The following TIA1 variants were observed in gnomAD, a reference collection of about 807,000 sequenced individuals.
The protein encoded by TIA1 is TIA1 cytotoxic granule associated RNA binding protein, also known as cytotoxic granule associated RNA binding protein TIA1.
In TIA1, 23 loss-of-function variants were observed where a neutral mutation model predicts 65.9. The observed-to-expected ratio is 0.35, with a 90% CI of 0.25 to 0.49. The LOEUF is 0.49. Among genes scored for constraint, TIA1 ranks in the 20% least tolerant of loss-of-function variants. The pLI is 0.98. For missense variants in TIA1, 371 were observed against 477.9 expected (o/e 0.78, Z 2.09); for synonymous variants, 147 against 149.4 (o/e 0.98, Z 0.12).
chr2:70,229,192 G>A (rs764597026), intron 4 of TIA1, 72 bp downstream of exon 4: 23 of 1,599,278 alleles, frequency 1.4e-5, no homozygotes, highest in Non-Finnish European at 1.9e-5. Context: ...CATGTATGAT[G>A]TTTATAGGCT....
rs539621585 is a variant in TIA1 at position 70,232,838 on chromosome 2, C to T, written c.124-1984G>A. On this transcript the variant is annotated intron_variant, in intron 2 of 12. Transcript: ENST00000433529. ...GAGCCAAGATGGTGCCACTGGATTCCAGTCTGGGCGCACAGCGAGACTCTG... is the reference window on the plus strand; with the variant it reads ...GAGCCAAGATGGTGCCACTGGATTCTAGTCTGGGCGCACAGCGAGACTCTG... Among the ~76,000 whole-genome samples, 334 of 151,860 alleles carry T rather than the reference C, an allele frequency of 2.2e-3. 1 individual carries two copies. The highest frequency in any genetic ancestry group is 6.7e-3 in the African/African-American group (278 of 41,450).
chr2:70,218,259 GC>G (rs1679548424), intron 7 of TIA1, among the ~76,000 whole-genome samples: 1 of 152,170 alleles, frequency 6.6e-6, no homozygotes, highest in Non-Finnish European at 1.5e-5. Context: ...GAGGAAGAAA[GC>G]CCCAGTAGAG....
At chr2:70,224,795 C>A in intron 6 of TIA1, 166 bp from the exon 7 acceptor site, 1 of 1,392,292 alleles carries the variant, frequency 7.2e-7, no homozygotes, top group Non-Finnish European at 9.3e-7. Context: ...GGAAATGAGG[C>A]TTAATTTTAT....
intron 1 of TIA1, among the ~76,000 whole-genome samples, chr2:70,242,499 A>G (rs1225049262): frequency 2.0e-5 from 3 of 148,138 alleles, no homozygotes; most frequent in South Asian, 2.1e-4. Flanking sequence ...AGTCTCAAAA[A>G]AAAAAAAAAA....
intron 2 of TIA1, among the ~76,000 whole-genome samples, chr2:70,234,943 C>G (rs560770053): frequency 6.6e-6 from 1 of 152,078 alleles, no homozygotes; most frequent in African/African-American, 2.4e-5. Flanking sequence ...CACATACACA[C>G]ATACATGATT....
intron 2 of TIA1, among the ~76,000 whole-genome samples, chr2:70,234,464 CTT>C (rs1202326726): frequency 6.6e-6 from 1 of 152,186 alleles, no homozygotes; most frequent in Non-Finnish European, 1.5e-5. Context: ...GAACATAACT[CTT>C]TGTTGATTTC....
intron 5 of TIA1, chr2:70,228,824 T>G: frequency 7.1e-7 from 1 of 1,401,114 alleles, no homozygotes; most frequent in Non-Finnish European, 9.2e-7. Context: ...TTGGTGAAAG[T>G]AGTTCTAAGG....
In TIA1 at chr2:70,235,985, A is replaced by G. The variant is rs188193521; in HGVS notation, c.123+94T>C. 831 of 685,458 alleles carry G rather than the reference A, an allele frequency of 1.2e-3. 3 individuals carry two copies. The African/African-American group carries it at 0.014, about 12-fold the overall frequency. 42.5% of individuals were successfully genotyped at this position (685,458 alleles called of 1,614,324 possible). A position where few individuals can be genotyped will look rare whatever the true frequency, so the allele number is the denominator to read the frequency against. ...TAAACTAATAATTTATACTATATTT[A>G]GACCATGGTAAACTAAGAATTCCTT... On this transcript the variant is annotated intron_variant, in intron 2 of 12. Transcript: ENST00000433529.
intron 2 of TIA1, among the ~76,000 whole-genome samples, chr2:70,233,320 G>A (rs1687342571): frequency 6.6e-6 from 1 of 152,094 alleles, no homozygotes; most frequent in African/African-American, 2.4e-5. Flanking sequence ...AAATTTTAAA[G>A]CAACGAGGCC....
chr2:70,222,227 G>C (rs1016315856), intron 7 of TIA1, among the ~76,000 whole-genome samples: 4 of 152,102 alleles, frequency 2.6e-5, no homozygotes, highest in African/African-American at 9.7e-5. Flanking sequence ...ACAATCATAA[G>C]TGATTTTGCC....
intron 6 of TIA1, 189 bp from the exon 7 acceptor site, chr2:70,224,818 C>A: frequency 7.3e-7 from 1 of 1,378,808 alleles, no homozygotes; most frequent in South Asian, 1.7e-5. Context: ...ACATGCAAAT[C>A]AATAACTTAA....
At position 70,216,897 on chromosome 2, in the gene TIA1, C is replaced by T; in HGVS notation, c.572G>A (p.Ser191Asn). 2 of 1,614,096 alleles carry T rather than the reference C, an allele frequency of 1.2e-6. No homozygotes were observed. The highest frequency in any genetic ancestry group is 1.7e-6 in the Non-Finnish European group (2 of 1,179,992). ...TCCAATACACCTACACTCATATGTACTCTTTGGAGCGGGAGGCTTTCGGGT... is the reference window on the plus strand; with the variant it reads ...TCCAATACACCTACACTCATATGTATTCTTTGGAGCGGGAGGCTTTCGGGT... ...WATRKPPAPK[S>N]TYESNTKQLS... The change falls in exon 8 of 13, where the codon AGT becomes AAT. Residue 191 changes from serine to asparagine, a missense_variant. By Grantham distance (46) the Ser-to-Asn change is conservative. Coordinates refer to ENST00000433529, the MANE Select transcript of TIA1 (RefSeq NM_022173.4).
chr2:70,232,540 C>CAAAAAAA (rs70956955), intron 2 of TIA1, among the ~76,000 whole-genome samples: 3 of 40,264 alleles, frequency 7.5e-5, no homozygotes, highest in East Asian at 6.0e-4. Flanking sequence ...AACTCTGTCT[C>CAAAAAAA]AAAAAAAAAA....
chr2:70,231,491 C>T (rs1195379480), intron 2 of TIA1, among the ~76,000 whole-genome samples: 2 of 150,954 alleles, frequency 1.3e-5, no homozygotes, highest in South Asian at 2.1e-4. Context: ...TGCTTTTATA[C>T]ATAGCTATTT....
intron 5 of TIA1, 97 bp downstream of exon 5, chr2:70,228,962 C>CAA: frequency 4.5e-6 from 1 of 221,342 alleles, no homozygotes; most frequent in Non-Finnish European, 6.7e-6. Flanking sequence ...ATATCTCCTC[C>CAA]CGCCCCCCTC....
chr2:70,230,760 C>G lies in TIA1; in HGVS notation c.218G>C (p.Gly73Ala), dbSNP rs1558864216. 1 of 1,598,846 alleles carries G rather than the reference C, an allele frequency of 6.3e-7. No homozygotes were observed. Among genetic ancestry groups the G allele is most frequent in the Non-Finnish European group, 8.5e-7 (1 of 1,174,534 alleles). The change falls in exon 3 of 13, where the codon GGT (glycine) becomes GCT (alanine). Residue 73 changes from glycine to alanine, a missense_variant. Physicochemically the swap from Gly to Ala is moderately conservative, Grantham distance 60. Coordinates refer to ENST00000433529, the MANE Select transcript of TIA1 (RefSeq NM_022173.4). ...LAAMNGRKIMGKEVKVNWATT... is the reference protein window; with the variant it reads ...LAAMNGRKIMAKEVKVNWATT... ...TCTTTAATTACGACAGCTTACCTTA[C>G]CCATTATCTTCCGTCCATTCATAGC...
At chr2:70,243,221 T>G (rs1692693033) in intron 1 of TIA1, among the ~76,000 whole-genome samples, 1 of 152,022 alleles carries the variant, frequency 6.6e-6, no homozygotes, top group East Asian at 1.9e-4. Flanking sequence ...AGCCCAGGAG[T>G]TGGAGACCAG....
chr2:70,245,638 T>C (rs1693949377), intron 1 of TIA1, among the ~76,000 whole-genome samples: 1 of 152,218 alleles, frequency 6.6e-6, no homozygotes, highest in South Asian at 2.1e-4. Flanking sequence ...TCACTACAAA[T>C]GTTTGAACTT....
chr2:70,236,296 T>C (rs1285035019), intron 1 of TIA1, 121 bp from the exon 2 acceptor site: 7 of 581,780 alleles, frequency 1.2e-5, no homozygotes, highest in Non-Finnish European at 2.1e-5. Flanking sequence ...CCTCCAGGGT[T>C]CAAGTGATTC....
Sources: allele counts gnomAD v4.1 joint callset (sites outside exome capture counted in the v4.1 genomes callset), GRCh38; gene constraint gnomAD v4.1.1; transcripts MANE v1.5; gene names NCBI Gene and HGNC (gene_info 2026-07-23, HGNC 2026-07-21).